PCGF5: variants seen among roughly 807,000 people sequenced by gnomAD.
PCGF5 encodes polycomb group RING finger protein 5.
In PCGF5, 9 loss-of-function variants were observed where a neutral mutation model predicts 44.3. That is an observed-to-expected ratio of 0.20 (90% CI 0.12 to 0.35). The LOEUF is 0.35. Among genes scored for constraint, PCGF5 ranks in the 10% least tolerant of loss-of-function variants. The pLI, the probability that PCGF5 is intolerant of heterozygous loss-of-function variation, is 1.00. For synonymous variants in PCGF5, 95 were observed against 102.5 expected (o/e 0.93, Z 0.44); for missense variants, 146 against 305.3 (o/e 0.48, Z 3.89).
intron 1 of PCGF5, among the ~76,000 whole-genome samples, chr10:91,165,583 G>T (rs1466120719): frequency 6.6e-6 from 1 of 152,102 alleles, no homozygotes; most frequent in Non-Finnish European, 1.5e-5. Flanking sequence ...AACCTCCCAG[G>T]CTCAAGTGAT....
In PCGF5 at chr10:91,207,898, C is replaced by G. The variant is rs1181579002; in HGVS notation, c.-183-14791C>G. Among the ~76,000 whole-genome samples, 6 of 152,066 alleles carry G rather than the reference C, an allele frequency of 3.9e-5. No homozygotes were observed. In the South Asian group the frequency reaches 6.2e-4, roughly 16 times the overall value. On this transcript the variant is annotated intron_variant, in intron 1 of 9. Transcript: ENST00000614189. ...AGCAGGTACATAATGTCAGATTATC[C>G]CATTATTAGTGCTGTTAGATGCAAT...
intron 1 of PCGF5, among the ~76,000 whole-genome samples, chr10:91,164,014 G>A (rs1367528994): frequency 6.6e-6 from 1 of 152,238 alleles, no homozygotes; most frequent in Non-Finnish European, 1.5e-5. Context: ...AGCTGCGTGT[G>A]CGGCCGTCAT....
intron 1 of PCGF5, among the ~76,000 whole-genome samples, chr10:91,205,167 G>A (rs570210476): frequency 5.3e-5 from 8 of 152,256 alleles, no homozygotes; most frequent in South Asian, 2.1e-4. Flanking sequence ...GAGTCACTAA[G>A]TTGGGCAAAA....
chr10:91,186,524 A>G (rs555066060), intron 1 of PCGF5, among the ~76,000 whole-genome samples: 5 of 138,544 alleles, frequency 3.6e-5, no homozygotes, highest in Non-Finnish European at 7.5e-5. Flanking sequence ...AAAACTTCAT[A>G]TATATATGTG....
In PCGF5 at chr10:91,222,770, A is replaced by G. The variant is rs1165582763; in HGVS notation, c.-102A>G. On this transcript the variant is annotated 5_prime_UTR_variant, in exon 2 of 10. Coordinates refer to ENST00000336126, the MANE Select transcript of PCGF5 (RefSeq NM_032373.5). ...TGGATGCTAGTTCTCATGCCTCAGG[A>G]CATCCTACTGGGAACGACACACCAG... 14 of 632,428 alleles carry G rather than the reference A, an allele frequency of 2.2e-5. No individual in the cohort carries two copies. In the Admixed American group the frequency reaches 2.9e-4, roughly 13 times the overall value. 39.2% of individuals were successfully genotyped at this position (632,428 alleles called of 1,614,324 possible).
intron 3 of PCGF5, among the ~76,000 whole-genome samples, chr10:91,245,249 C>G (rs1845429688): frequency 6.6e-6 from 1 of 152,112 alleles, no homozygotes; most frequent in South Asian, 2.1e-4. Flanking sequence ...ACGGAGTGAT[C>G]CACCTGTGTC....
intron 2 of PCGF5, among the ~76,000 whole-genome samples, chr10:91,223,645 C>T (rs1844740060): frequency 6.6e-6 from 1 of 152,186 alleles, no homozygotes; most frequent in Admixed American, 6.5e-5. Flanking sequence ...TACACATACT[C>T]TTTGTGTTTC....
At chr10:91,275,127 T>C (rs553204424) in intron 9 of PCGF5, among the ~76,000 whole-genome samples, 3 of 152,294 alleles carry the variant, frequency 2.0e-5, no homozygotes, top group Admixed American at 6.5e-5. Context: ...ATATTTGCAA[T>C]GTATGATAGA....
Position 91,278,750 on chromosome 10 carries a change from T to G in PCGF5, c.*434T>G, listed in dbSNP as rs1485665503. 1 of 155,744 alleles carries G rather than the reference T, an allele frequency of 6.4e-6. No individual in the cohort carries two copies. The highest frequency in any genetic ancestry group is 6.5e-5 in the Admixed American group (1 of 15,408). The allele number at this position is 155,744 out of a possible 1,614,324, so 9.6% of individuals were successfully genotyped here. On this transcript the variant is annotated 3_prime_UTR_variant, in exon 10 of 10. Transcript: ENST00000336126. ...ACTCTACAAGAAACTAATAATTATA[T>G]CTTGAAATTATTTTGTATGGAAGTA...
At chr10:91,201,184 C>G (rs1355731650) in intron 1 of PCGF5, among the ~76,000 whole-genome samples, 1 of 152,114 alleles carries the variant, frequency 6.6e-6, no homozygotes, top group Non-Finnish European at 1.5e-5. Flanking sequence ...AAATGTATTG[C>G]TTACGTATCT....
intron 2 of PCGF5, among the ~76,000 whole-genome samples, chr10:91,233,140 TTTGA>T (rs1282058738): frequency 1.3e-5 from 2 of 152,144 alleles, no homozygotes; most frequent in African/African-American, 4.8e-5. Flanking sequence ...AATTGATTAT[TTTGA>T]TTGATCATGG....
At chr10:91,166,943 G>A (rs11186478) in intron 1 of PCGF5, among the ~76,000 whole-genome samples, 6,635 of 152,260 alleles carry the variant, frequency 0.044, 169 homozygotes, top group Non-Finnish European at 0.064. Context: ...TAATCTCTCA[G>A]AAGTTTCAGT....
chr10:91,160,703 C>T (rs1229996508), upstream of PCGF5, among the ~76,000 whole-genome samples: 1 of 151,910 alleles, frequency 6.6e-6, no homozygotes. Context: ...CCAGAGTACA[C>T]AAGACGAGAC....
At chr10:91,202,661 CTTGTACTTAA>C (rs1202012084) in intron 1 of PCGF5, among the ~76,000 whole-genome samples, 1 of 152,124 alleles carries the variant, frequency 6.6e-6, no homozygotes, top group African/African-American at 2.4e-5. Flanking sequence ...AAACTTCCTT[CTTGTACTTAA>C]TTGGTTTCAG....
intron 1 of PCGF5, among the ~76,000 whole-genome samples, chr10:91,171,448 G>C (rs987237840): frequency 8.5e-5 from 13 of 152,298 alleles, no homozygotes; most frequent in African/African-American, 2.9e-4. Flanking sequence ...GGCTTGACAA[G>C]TTGCTAGAAG....
chr10:91,231,025 C>T (rs902011004), intron 2 of PCGF5, among the ~76,000 whole-genome samples: 1 of 152,204 alleles, frequency 6.6e-6, no homozygotes, highest in Non-Finnish European at 1.5e-5. Flanking sequence ...GCTGGAATTA[C>T]AGGCATGAGC....
chr10:91,166,869 G>A (rs1166167820), intron 1 of PCGF5, among the ~76,000 whole-genome samples: 2 of 152,148 alleles, frequency 1.3e-5, no homozygotes, highest in African/African-American at 4.8e-5. Flanking sequence ...GTGTATAAAA[G>A]GCTCTTAATA....
rs528744003 is a variant in PCGF5 at position 91,197,206 on chromosome 10, C to G, written c.-183-25483C>G. Among the ~76,000 whole-genome samples, 14 of 152,278 alleles carry G rather than the reference C, an allele frequency of 9.2e-5. No individual in the cohort carries two copies. In the South Asian group the frequency reaches 2.9e-3, roughly 32 times the overall value. ...GTCTGGTCAGCAGCGTAGCCTGTCT[C>G]CATTCCGCTTGGCATCAGCAGGGGA... On this transcript the variant is annotated intron_variant, in intron 1 of 9. Coordinates refer to the PCGF5 transcript ENST00000614189.
At chr10:91,170,873 G>C (rs1843592104) in intron 1 of PCGF5, among the ~76,000 whole-genome samples, 2 of 152,158 alleles carry the variant, frequency 1.3e-5, no homozygotes, top group Non-Finnish European at 2.9e-5. Flanking sequence ...TGTCATTCAG[G>C]ATAAACTGTG....
Sources: gnomAD v4.1 joint callset for allele counts (sites outside exome capture counted in the v4.1 genomes callset) on GRCh38, gnomAD v4.1.1 for gene constraint, MANE v1.5 for transcripts, NCBI Gene and HGNC (gene_info 2026-07-23, HGNC 2026-07-21) for gene names.